The following TNFRSF13B variants were observed in gnomAD, a reference collection of about 807,000 sequenced individuals.
TNFRSF13B encodes the protein tumor necrosis factor receptor superfamily member 13B.
A neutral mutation model predicts 24.0 loss-of-function variants in TNFRSF13B; 34 were observed. The ratio of observed to expected loss-of-function variants is 1.41; its 90% CI spans 1.08 to 1.88. TNFRSF13B has a LOEUF of 1.88. Ranked by LOEUF, TNFRSF13B falls within the 40% of genes most tolerant of loss-of-function variation. The pLI is 0.00. For synonymous variants in TNFRSF13B, 173 were observed against 150.3 expected (o/e 1.15, Z -1.10); for missense variants, 415 against 380.8 (o/e 1.09, Z -0.75).
chr17:16,948,608 T>C (rs2087565358), intron 3 of TNFRSF13B, 130 bp downstream of exon 3: 3 of 1,307,100 alleles, frequency 2.3e-6, no homozygotes, highest in Non-Finnish European at 3.3e-6. Context: ...ATGATCTCCC[T>C]GGCTTCTGGC....
chr17:16,959,574 A>G (rs2087647580), intron 1 of TNFRSF13B, among the ~76,000 whole-genome samples: 1 of 152,074 alleles, frequency 6.6e-6, no homozygotes, highest in South Asian at 2.1e-4. Context: ...CAAAATTGAC[A>G]AACCTTTAGG....
At chr17:16,966,902 G>A (rs1263557763) in intron 1 of TNFRSF13B, among the ~76,000 whole-genome samples, 2 of 132,540 alleles carry the variant, frequency 1.5e-5, no homozygotes, top group Non-Finnish European at 3.0e-5. Context: ...GCAGTGGTGC[G>A]ATCTCGGCTC....
At chr17:16,962,654 T>G (rs1481911122) in intron 1 of TNFRSF13B, among the ~76,000 whole-genome samples, 2 of 152,188 alleles carry the variant, frequency 1.3e-5, no homozygotes, top group Admixed American at 6.5e-5. Flanking sequence ...GATGTGGAAT[T>G]ATTCCTTCTG....
intron 2 of TNFRSF13B, among the ~76,000 whole-genome samples, chr17:16,950,539 C>T (rs2087581680): frequency 6.6e-6 from 1 of 152,190 alleles, no homozygotes; most frequent in Non-Finnish European, 1.5e-5. Context: ...GGGCCAGTGA[C>T]CTCCCCTGCT....
chr17:16,946,798 G>C (rs1321018496), intron 3 of TNFRSF13B, among the ~76,000 whole-genome samples: 1 of 151,962 alleles, frequency 6.6e-6, no homozygotes, highest in Non-Finnish European at 1.5e-5. Context: ...TTGTTGATCC[G>C]GCTGATCTTG....
intron 1 of TNFRSF13B, among the ~76,000 whole-genome samples, chr17:16,966,832 CTTTTTTCTTTTTTTTT>C (rs1335170030): frequency 1.0e-5 from 1 of 95,848 alleles, no homozygotes; most frequent in African/African-American, 4.2e-5. Flanking sequence ...TTTTCTTTTT[CTTTTTTCTTTTTTTTT>C]TTTTTTTTGA....
At chr17:16,970,379 G>A (rs994203275) in intron 1 of TNFRSF13B, among the ~76,000 whole-genome samples, 2 of 152,196 alleles carry the variant, frequency 1.3e-5, no homozygotes, top group African/African-American at 4.8e-5. Flanking sequence ...CAAGGAGGGT[G>A]ATTCTCAGAG....
In TNFRSF13B at chr17:16,939,481, C is replaced by T. The variant is rs1205616341; in HGVS notation, c.*66G>A. 1.3e-6 allele frequency: 2 copies of T among 1,534,532 alleles called. No individual in the cohort carries two copies. Among genetic ancestry groups the T allele is most frequent in the Admixed American group, 1.9e-5 (1 of 52,584 alleles). ...TCCTCATATCTCTCTCCCCTCTCCC[C>T]ACCTCTCTTTCTCTCTCCCCTCCTC... On this transcript the variant is annotated 3_prime_UTR_variant, in exon 5 of 5. Transcript: ENST00000261652.
At chr17:16,958,483 A>G (rs1041569278) in intron 1 of TNFRSF13B, among the ~76,000 whole-genome samples, 7 of 151,878 alleles carry the variant, frequency 4.6e-5, no homozygotes, top group Non-Finnish European at 4.4e-5. Flanking sequence ...TAAGAGACTT[A>G]CTTTAGATTA....
chr17:16,946,397 AGCAGG>A (rs2087547843), intron 3 of TNFRSF13B, among the ~76,000 whole-genome samples: 1 of 152,144 alleles, frequency 6.6e-6, no homozygotes, highest in Non-Finnish European at 1.5e-5. Flanking sequence ...GATGCCACAG[AGCAGG>A]GCAGGTGCAA....
chr17:16,939,457 C>CT lies in TNFRSF13B; in HGVS notation c.*89_*90insA, dbSNP rs548624436. On this transcript the variant is annotated 3_prime_UTR_variant, in exon 5 of 5. Coordinates refer to ENST00000261652, the MANE Select transcript of TNFRSF13B (RefSeq NM_012452.3). ...CTCTCTGCCTCCTCTGTCTCTCTCT[C>CT]CTCATATCTCTCTCCCCTCTCCCCA... is the stretch of plus-strand genomic sequence containing the variant. 3 of 1,427,798 alleles carry CT rather than the reference C, an allele frequency of 2.1e-6. No homozygotes were observed. The highest frequency in any genetic ancestry group is 2.8e-6 in the Non-Finnish European group (3 of 1,056,764). The allele number at this position is 1,427,798 out of a possible 1,614,324, so 88.4% of individuals were successfully genotyped here. A position where few individuals can be genotyped will look rare whatever the true frequency, so the allele number is the denominator to read the frequency against.
chr17:16,962,505 T>TCC (rs561141175), intron 1 of TNFRSF13B, among the ~76,000 whole-genome samples: 18 of 126,398 alleles, frequency 1.4e-4, no homozygotes, highest in Admixed American at 2.7e-4. Flanking sequence ...AGACTCGGTC[T>TCC]CCCCCCCCAA....
At chr17:16,966,021 A>G (rs990639687) in intron 1 of TNFRSF13B, among the ~76,000 whole-genome samples, 3 of 152,158 alleles carry the variant, frequency 2.0e-5, no homozygotes, top group African/African-American at 7.2e-5. Flanking sequence ...TTGGAGCCCG[A>G]GGTGGGTGGA....
chr17:16,970,567 C>G (rs1177313154), intron 1 of TNFRSF13B, among the ~76,000 whole-genome samples: 1 of 152,236 alleles, frequency 6.6e-6, no homozygotes, highest in African/African-American at 2.4e-5. Context: ...CTGGTAGTTT[C>G]ATCAAAGCAC....
At chr17:16,946,883 G>A (rs1259598569) in intron 3 of TNFRSF13B, among the ~76,000 whole-genome samples, 1 of 151,972 alleles carries the variant, frequency 6.6e-6, no homozygotes, top group Non-Finnish European at 1.5e-5. Context: ...TCACCATGCT[G>A]AGCCTTCTCT....
chr17:16,971,081 C>T (rs574031613), intron 1 of TNFRSF13B, among the ~76,000 whole-genome samples: 1 of 152,332 alleles, frequency 6.6e-6, no homozygotes, highest in Non-Finnish European at 1.5e-5. Context: ...GGTGCCGTGG[C>T]TCATGCCTGT....
chr17:16,962,340 T>G (rs1414404608), intron 1 of TNFRSF13B, among the ~76,000 whole-genome samples: 1 of 151,904 alleles, frequency 6.6e-6, no homozygotes, highest in African/African-American at 2.4e-5. Flanking sequence ...AACCCTGTCT[T>G]CACTGAAAAT....
intron 3 of TNFRSF13B, among the ~76,000 whole-genome samples, chr17:16,948,428 T>G (rs1439510042): frequency 6.6e-6 from 1 of 152,224 alleles, no homozygotes; most frequent in Non-Finnish European, 1.5e-5. Flanking sequence ...GCTGCTCAGG[T>G]GCTCACACAG....
In TNFRSF13B at chr17:16,951,818, G is replaced by A. The variant is rs886505067; in HGVS notation, c.199+628C>T. 9.2e-5 allele frequency among the ~76,000 whole-genome samples: 14 copies of A among 152,196 alleles called. 1 individual carries two copies. The highest frequency in any genetic ancestry group is 9.2e-4 in the Admixed American group (14 of 15,286). ...AGGGAGAATCACTTGAACCCGGGCG[G>A]TGGAGGTTGCGGTGAGCCAAGATCG... is the stretch of plus-strand genomic sequence containing the variant. On this transcript the variant is annotated intron_variant, in intron 2 of 4. Coordinates refer to ENST00000261652, the MANE Select transcript of TNFRSF13B (RefSeq NM_012452.3).
Sources: gnomAD v4.1 joint callset for allele counts (sites outside exome capture counted in the v4.1 genomes callset) on GRCh38, gnomAD v4.1.1 for gene constraint, MANE v1.5 for transcripts, NCBI Gene and HGNC (gene_info 2026-07-23, HGNC 2026-07-21) for gene names.